DLG2: variants seen among roughly 807,000 people sequenced by gnomAD.
DLG2 encodes disks large homolog 2.
A neutral mutation model predicts 132.5 loss-of-function variants in DLG2; 45 were observed. That is an observed-to-expected ratio of 0.34 (90% CI 0.27 to 0.44). The LOEUF (loss-of-function observed/expected upper bound fraction) is 0.44, where lower values mean the gene tolerates loss of function less well. DLG2 is among the 20% of genes least tolerant of loss of function. The pLI, the probability that DLG2 is intolerant of heterozygous loss-of-function variation, is 1.00. For synonymous variants in DLG2, 424 were observed against 419.6 expected (o/e 1.01, Z -0.13); for missense variants, 1,045 against 1,196.9 (o/e 0.87, Z 1.87).
intron 16 of DLG2, among the ~76,000 whole-genome samples, chr11:83,870,159 G>T (rs990538595): frequency 2.6e-5 from 4 of 152,204 alleles, no homozygotes; most frequent in South Asian, 4.2e-4. Flanking sequence ...CATTTAAGAG[G>T]TACAAGTGCA....
chr11:83,592,628 A>G (rs1174894107), intron 19 of DLG2, among the ~76,000 whole-genome samples: 2 of 151,070 alleles, frequency 1.3e-5, no homozygotes, highest in Non-Finnish European at 3.0e-5. Flanking sequence ...GCAACAAAAG[A>G]CAAAATTGAC....
chr11:84,408,517 C>A (rs1198196725), intron 7 of DLG2, among the ~76,000 whole-genome samples: 1 of 152,124 alleles, frequency 6.6e-6, no homozygotes, highest in Non-Finnish European at 1.5e-5. Context: ...TTGCATTAAA[C>A]AACGTCTTCA....
chr11:84,664,699 T>G (rs2099698112), intron 6 of DLG2, among the ~76,000 whole-genome samples: 1 of 152,138 alleles, frequency 6.6e-6, no homozygotes, highest in Non-Finnish European at 1.5e-5. Context: ...AAAATTGTAT[T>G]GATTTTCAGA....
intron 7 of DLG2, chr11:84,272,085 A>C (rs1358944623): frequency 6.1e-6 from 1 of 165,208 alleles, no homozygotes; most frequent in Non-Finnish European, 1.3e-5. Context: ...TTAGTTTTTT[A>C]GACTTCTTAC....
At chr11:85,287,565 A>T (rs1171869600) in intron 3 of DLG2, among the ~76,000 whole-genome samples, 1 of 152,048 alleles carries the variant, frequency 6.6e-6, no homozygotes, top group Non-Finnish European at 1.5e-5. Context: ...ATTCCTAGCA[A>T]GTGCAAATTG....
At chr11:84,435,498 C>T (rs2098997725) in intron 7 of DLG2, among the ~76,000 whole-genome samples, 1 of 152,174 alleles carries the variant, frequency 6.6e-6, no homozygotes, top group Non-Finnish European at 1.5e-5. Flanking sequence ...CTCCTCCTAG[C>T]TCTCTTCCTA....
At chr11:83,532,675 G>A (rs1287341511) in intron 21 of DLG2, 33 bp downstream of exon 21, 2 of 1,594,610 alleles carry the variant, frequency 1.3e-6, no homozygotes, top group African/African-American at 2.7e-5. Context: ...TGGCAACTGA[G>A]AGAACTTGAT....
chr11:85,000,992 G>T (rs1373592285), intron 6 of DLG2, among the ~76,000 whole-genome samples: 2 of 152,020 alleles, frequency 1.3e-5, no homozygotes, highest in African/African-American at 4.8e-5. Context: ...GGCCAATCTG[G>T]TTTAATAGAA....
At position 83,466,720 on chromosome 11, in the gene DLG2, A is replaced by G; in HGVS notation, c.2717T>C (p.Leu906Pro). The change falls in exon 26 of 28, where the codon CTG becomes CCG. Residue 906 changes from leucine to proline, a missense_variant. By Grantham distance (98) the Leu-to-Pro change is moderately conservative. This residue lies in a region of DLG2 where 398 missense variants were observed against 543.6 expected (regional missense o/e 0.73). Coordinates refer to ENST00000376104, the MANE Select transcript of DLG2 (RefSeq NM_001142699.3). ...PIAIFIKPRS[L>P]EPLMEMNKRL... is the part of the protein sequence containing the mutation. ...GCCCTCTACTCACATAAGAGGTTCC[A>G]GAGACCTGGGTTTTATGAAGATGGC... 6.2e-7 allele frequency: 1 copy of G among 1,610,458 alleles called. No homozygotes were observed. Among genetic ancestry groups the G allele is most frequent in the Non-Finnish European group, 8.5e-7 (1 of 1,176,688 alleles).
intron 4 of DLG2, among the ~76,000 whole-genome samples, chr11:85,215,514 A>C (rs2082528919): frequency 1.3e-5 from 2 of 152,174 alleles, no homozygotes; most frequent in Non-Finnish European, 2.9e-5. Context: ...ACAAAGAGCA[A>C]ACTCTCTGCC....
At chr11:83,845,948 T>G (rs1054896434) in intron 16 of DLG2, among the ~76,000 whole-genome samples, 2 of 152,220 alleles carry the variant, frequency 1.3e-5, no homozygotes, top group Non-Finnish European at 2.9e-5. Context: ...GCTTGGTAAA[T>G]GCTAACTCAT....
At chr11:84,920,341 C>A (rs1442923878) in intron 6 of DLG2, among the ~76,000 whole-genome samples, 1 of 152,180 alleles carries the variant, frequency 6.6e-6, no homozygotes, top group Admixed American at 6.5e-5. Flanking sequence ...CTTCCTTACT[C>A]CAAGATGCTT....
At chr11:85,350,367 A>G (rs2083191484) in intron 3 of DLG2, among the ~76,000 whole-genome samples, 1 of 152,214 alleles carries the variant, frequency 6.6e-6, no homozygotes, top group Non-Finnish European at 1.5e-5. Context: ...TTGCCTGTTC[A>G]CTATGCTGGT....
intron 6 of DLG2, chr11:84,955,692 T>G (rs1272470758): frequency 6.6e-6 from 1 of 152,172 alleles, no homozygotes; most frequent in Non-Finnish European, 1.5e-5. Context: ...TCTCAATAAA[T>G]GATGCTGCCT....
Position 83,455,720 on chromosome 11 carries a change from A to C in DLG2, c.*4098T>G, listed in dbSNP as rs1191305120. 1 of 152,656 alleles carries C rather than the reference A, an allele frequency of 6.6e-6. No individual in the cohort carries two copies. The highest frequency in any genetic ancestry group is 1.5e-5 in the Non-Finnish European group (1 of 68,044). The allele number at this position is 152,656 out of a possible 1,614,324, so 9.5% of individuals were successfully genotyped here. A position where few individuals can be genotyped will look rare whatever the true frequency, so the allele number is the denominator to read the frequency against. On this transcript the variant is annotated 3_prime_UTR_variant, in exon 28 of 28. Coordinates refer to ENST00000376104, the MANE Select transcript of DLG2 (RefSeq NM_001142699.3). ...TTCATACTCAATGTAACGTGTGTAC[A>C]TGGTATACATACCATATATACCATA...
intron 8 of DLG2, among the ~76,000 whole-genome samples, chr11:84,204,246 C>T (rs541870498): frequency 6.6e-6 from 1 of 152,140 alleles, no homozygotes; most frequent in Admixed American, 6.5e-5. Flanking sequence ...CGTAAGCCAC[C>T]GTGCCTGCCA....
chr11:84,501,273 A>G (rs1307333860), intron 7 of DLG2, among the ~76,000 whole-genome samples: 1 of 152,244 alleles, frequency 6.6e-6, no homozygotes, highest in East Asian at 1.9e-4. Context: ...TGTTTACATA[A>G]GAAATAGTAG....
rs986328520 is a variant in DLG2, at chr11:84,532,778, G to A, written c.519+1792C>T. On this transcript the variant is annotated intron_variant, in intron 7 of 27. Coordinates refer to ENST00000376104, the MANE Select transcript of DLG2 (RefSeq NM_001142699.3). ...CCCAAAATGCTGAGACTACAGGTGC[G>A]GGCCACTGTGCTTGATCTATGGAGG... 3.3e-5 allele frequency among the ~76,000 whole-genome samples: 5 copies of A among 152,192 alleles called. No homozygotes were observed. The East Asian group carries it at 5.8e-4, about 18-fold the overall frequency.
intron 15 of DLG2, among the ~76,000 whole-genome samples, chr11:83,898,683 C>A (rs559523783): frequency 3.4e-4 from 51 of 152,148 alleles, no homozygotes; most frequent in Non-Finnish European, 8.8e-5. Context: ...ATTGCTCCAA[C>A]TACCTCTATC....
Sources: gnomAD v4.1 joint callset for allele counts (sites outside exome capture counted in the v4.1 genomes callset) on GRCh38, gnomAD v4.1.1 for gene constraint, gnomAD v4.1.1 regional missense constraint, MANE v1.5 for transcripts, NCBI Gene and HGNC (gene_info 2026-07-23, HGNC 2026-07-21) for gene names.